The following PSD3 variants were observed in gnomAD, a reference collection of about 807,000 sequenced individuals.
The protein encoded by PSD3 is pleckstrin and Sec7 domain containing 3, also known as PH and SEC7 domain-containing protein 3.
Under a neutral mutation model 105.5 loss-of-function variants are expected in PSD3, and 49 were observed. That is an observed-to-expected ratio of 0.46 (90% confidence interval 0.37 to 0.59). PSD3 has a LOEUF of 0.59. Ranked by LOEUF, PSD3 falls within the 20% of genes least tolerant of loss-of-function variation. The pLI is 0.00. For missense variants in PSD3, 1,561 were observed against 1,263.8 expected (o/e 1.24, Z -3.57); for synonymous variants, 557 against 457.8 (o/e 1.22, Z -2.77).
chr8:18,989,689 C>G (rs991906595), intron 1 of PSD3, among the ~76,000 whole-genome samples: 1 of 152,136 alleles, frequency 6.6e-6, no homozygotes, highest in Non-Finnish European at 1.5e-5. Context: ...TAAAAACCAA[C>G]AACAATAAAT....
chr8:18,555,116 G>T (rs1418552484), intron 15 of PSD3, among the ~76,000 whole-genome samples: 1 of 151,988 alleles, frequency 6.6e-6, no homozygotes, highest in South Asian at 2.1e-4. Context: ...GAGGAATGCC[G>T]TCATCTGGGT....
At chr8:18,908,214 G>A (rs147231976) in intron 2 of PSD3, among the ~76,000 whole-genome samples, 1 of 152,266 alleles carries the variant, frequency 6.6e-6, no homozygotes, top group Non-Finnish European at 1.5e-5. Flanking sequence ...CAAATTCTAA[G>A]GTGGAGTGGA....
At chr8:18,742,970 A>G (rs1431565913) in intron 9 of PSD3, among the ~76,000 whole-genome samples, 1 of 152,208 alleles carries the variant, frequency 6.6e-6, no homozygotes, top group Non-Finnish European at 1.5e-5. Context: ...GGTCTCTTAC[A>G]ATTTCCAATG....
At chr8:18,985,889 T>A (rs1225042980) in intron 1 of PSD3, among the ~76,000 whole-genome samples, 1 of 152,014 alleles carries the variant, frequency 6.6e-6, no homozygotes, top group Non-Finnish European at 1.5e-5. Context: ...TTTCTAACTC[T>A]AAATTAATAG....
intron 9 of PSD3, among the ~76,000 whole-genome samples, chr8:18,686,291 T>C (rs2130972115): frequency 6.6e-6 from 1 of 152,278 alleles, no homozygotes; most frequent in Non-Finnish European, 1.5e-5. Flanking sequence ...TGGGTTGAGG[T>C]AATATTGCAA....
chr8:18,862,753 C>G (rs914999026), intron 4 of PSD3, among the ~76,000 whole-genome samples: 4 of 152,010 alleles, frequency 2.6e-5, no homozygotes, highest in Non-Finnish European at 4.4e-5. Context: ...CGCACTTCAA[C>G]AAATTTCTAC....
intron 1 of PSD3, among the ~76,000 whole-genome samples, chr8:18,996,365 T>C (rs907231090): frequency 6.6e-6 from 1 of 151,884 alleles, no homozygotes; most frequent in East Asian, 1.9e-4. Context: ...TTAACAGAAC[T>C]AGGGACTCCC....
At chr8:18,808,783 C>G in intron 4 of PSD3, 2 of 1,614,004 alleles carry the variant, frequency 1.2e-6, no homozygotes, top group Non-Finnish European at 8.5e-7. Context: ...CAAGAAGAGC[C>G]CATCGCAACC....
At chr8:19,077,711 C>G (rs185802242) in intron 1 of PSD3, among the ~76,000 whole-genome samples, 1 of 152,108 alleles carries the variant, frequency 6.6e-6, no homozygotes, top group African/African-American at 2.4e-5. Context: ...CATCCTTGAA[C>G]TTTGTAATAT....
chr8:18,732,945 C>G (rs1254809807), intron 9 of PSD3: 2 of 152,140 alleles, frequency 1.3e-5, no homozygotes, highest in Non-Finnish European at 2.9e-5. Context: ...ACACACGCCC[C>G]CTCCCTATCA....
intron 4 of PSD3, among the ~76,000 whole-genome samples, chr8:18,839,994 ATAATAACTT>A (rs1264274535): frequency 6.6e-6 from 1 of 152,208 alleles, no homozygotes; most frequent in Non-Finnish European, 1.5e-5. Context: ...TGAATTCTAC[ATAATAACTT>A]ACATTATTAC....
rs189721246 is a variant in PSD3, at chr8:19,031,349, G to A, written c.324+52857C>T. On this transcript the variant is annotated intron_variant, in intron 1 of 1. Transcript: ENST00000521475. Reference sequence around the variant, plus strand: ...ATAATAAGCATATTATTTATTATACGTTTGAAAGCTGGAAGAGAATTATTT... The same window carrying A: ...ATAATAAGCATATTATTTATTATACATTTGAAAGCTGGAAGAGAATTATTT... Among the ~76,000 whole-genome samples the A allele has an allele frequency of 3.9e-3, 594 of 152,236 alleles. 3 individuals are homozygous for A. The highest frequency in any genetic ancestry group is 0.014 in the African/African-American group (566 of 41,538).
intron 1 of PSD3, among the ~76,000 whole-genome samples, chr8:18,982,971 TA>T (rs1825316474): frequency 6.6e-6 from 1 of 152,262 alleles, no homozygotes; most frequent in African/African-American, 2.4e-5. Flanking sequence ...TGTAGCTATG[TA>T]AGTTCCAGAC....
At chr8:18,576,688 G>A (rs2245642) in intron 12 of PSD3, among the ~76,000 whole-genome samples, 1 of 152,142 alleles carries the variant, frequency 6.6e-6, no homozygotes, top group African/African-American at 2.4e-5. Context: ...AACAGAACCC[G>A]GCACATGTGG....
At chr8:18,717,232 A>T (rs941415444) in intron 9 of PSD3, among the ~76,000 whole-genome samples, 1 of 151,694 alleles carries the variant, frequency 6.6e-6, no homozygotes, top group African/African-American at 2.4e-5. Flanking sequence ...GTTTATTTTA[A>T]TTTTTTTTTC....
chr8:18,954,627 G>A lies in PSD3; in HGVS notation c.22-18485C>T, dbSNP rs114629623. Among the ~76,000 whole-genome samples, 330 of 152,262 alleles carry A rather than the reference G, an allele frequency of 2.2e-3. 2 individuals are homozygous for A. Among genetic ancestry groups the A allele is most frequent in the African/African-American group, 7.6e-3 (314 of 41,544 alleles). On this transcript the variant is annotated intron_variant, in intron 1 of 15. Coordinates refer to ENST00000327040, the MANE Select transcript of PSD3 (RefSeq NM_015310.4). Reference sequence around the variant, plus strand: ...CTGTCTATCATATTCCAATTTCAGTGGTGGAGGGGATGCACAAAGTAACAT... The same window carrying A: ...CTGTCTATCATATTCCAATTTCAGTAGTGGAGGGGATGCACAAAGTAACAT...
At chr8:18,623,269 T>A (rs1054096552) in intron 11 of PSD3, among the ~76,000 whole-genome samples, 2 of 151,920 alleles carry the variant, frequency 1.3e-5, no homozygotes, top group Non-Finnish European at 2.9e-5. Context: ...AACATCCTTA[T>A]ATGTTTCTAA....
At chr8:18,693,733 C>G (rs11987641) in intron 9 of PSD3, among the ~76,000 whole-genome samples, 139,313 of 152,284 alleles carry the variant, frequency 0.91, 64,222 homozygotes, top group Middle Eastern at 0.97. Flanking sequence ...TTCCTCTGCA[C>G]TCAGCCTCCT....
At chr8:18,774,908 A>G (rs552722420) in intron 8 of PSD3, 17 of 456,056 alleles carry the variant, frequency 3.7e-5, no homozygotes, top group Non-Finnish European at 7.1e-5. Context: ...CTGAGCCTTA[A>G]TCTTGGCTAC....
Sources: gnomAD v4.1 joint callset for allele counts (sites outside exome capture counted in the v4.1 genomes callset) on GRCh38, gnomAD v4.1.1 for gene constraint, MANE v1.5 for transcripts, NCBI Gene and HGNC (gene_info 2026-07-23, HGNC 2026-07-21) for gene names.